Variants in NEBL observed in about 807,000 individuals in gnomAD.
NEBL encodes LIM and SH3 protein 2.
A neutral mutation model predicts 140.2 loss-of-function variants in NEBL; 122 were observed. The ratio of observed to expected loss-of-function variants is 0.87; its 90% confidence interval spans 0.75 to 1.01. The LOEUF (loss-of-function observed/expected upper bound fraction) is 1.01, where lower values mean the gene tolerates loss of function less well. Ranked by LOEUF, NEBL falls within the 50% of genes least tolerant of loss-of-function variation. The pLI, the probability that NEBL is intolerant of heterozygous loss-of-function variation, is 0.00. For synonymous variants in NEBL, 436 were observed against 398.9 expected (o/e 1.09, Z -1.11); for missense variants, 1,365 against 1,231.3 (o/e 1.11, Z -1.62).
At chr10:21,025,674 C>T (rs957294243) in intron 2 of NEBL, among the ~76,000 whole-genome samples, 3 of 152,118 alleles carry the variant, frequency 2.0e-5, no homozygotes, top group African/African-American at 7.2e-5. Flanking sequence ...ATCCAGATTC[C>T]GGTGCTTATA....
At chr10:21,275,056 G>A (rs1355382334) in intron 1 of NEBL, among the ~76,000 whole-genome samples, 1 of 152,004 alleles carries the variant, frequency 6.6e-6, no homozygotes. Context: ...AGGGCTAACT[G>A]TAAATTCTGC....
In NEBL at chr10:21,097,807, C is replaced by T. The variant is rs185691040; in HGVS notation, c.164+74576G>A. ...CATTCCCCTGAAACACGACAGGAACCGCCCAATAAATGAAGACATTGGACT... is the reference window on the plus strand; with the variant it reads ...CATTCCCCTGAAACACGACAGGAACTGCCCAATAAATGAAGACATTGGACT... On this transcript the variant is annotated intron_variant, in intron 2 of 6. Coordinates refer to the NEBL transcript ENST00000417816. Among the ~76,000 whole-genome samples the T allele has an allele frequency of 1.2e-4, 19 of 152,200 alleles. 1 individual carries two copies. The highest frequency in any genetic ancestry group is 7.8e-4 in the Admixed American group (12 of 15,300).
chr10:21,176,865 A>C (rs544066089), upstream of NEBL, among the ~76,000 whole-genome samples: 1 of 152,320 alleles, frequency 6.6e-6, no homozygotes, highest in South Asian at 2.1e-4. Flanking sequence ...AAATCTCCTT[A>C]CTTTTTCCTC....
chr10:21,266,911 G>A (rs1842802694), intron 1 of NEBL, among the ~76,000 whole-genome samples: 1 of 152,054 alleles, frequency 6.6e-6, no homozygotes, highest in African/African-American at 2.4e-5. Context: ...AGAGTAGCTG[G>A]GATTACAGGT....
intron 4 of NEBL, among the ~76,000 whole-genome samples, chr10:20,909,386 G>A (rs1848235399): frequency 6.6e-6 from 1 of 151,602 alleles, no homozygotes; most frequent in East Asian, 1.9e-4. Flanking sequence ...ATAAATAAGT[G>A]AGAACATGCA....
At chr10:21,011,196 T>G (rs987940106) in intron 3 of NEBL, among the ~76,000 whole-genome samples, 1 of 152,204 alleles carries the variant, frequency 6.6e-6, no homozygotes, top group African/African-American at 2.4e-5. Flanking sequence ...AAAGTCACAC[T>G]TAGTGGCAGG....
At position 20,783,074 on chromosome 10, in the gene NEBL, A is replaced by T. The variant is rs1835133028; in HGVS notation, c.*2673T>A. On this transcript the variant is annotated 3_prime_UTR_variant, in exon 28 of 28. Transcript: ENST00000377122. ...CACAGTCATCTTTAACTCAATTTTT[A>T]AAATCTTCTTTAGCTGTCAGCTTCA... 1 of 152,600 alleles carries T rather than the reference A, an allele frequency of 6.6e-6. No individual in the cohort carries two copies. Among genetic ancestry groups the T allele is most frequent in the African/African-American group, 2.4e-5 (1 of 41,446 alleles). The allele number at this position is 152,600 out of a possible 1,614,324, so 9.5% of individuals were successfully genotyped here. A position where few individuals can be genotyped will look rare whatever the true frequency, so the allele number is the denominator to read the frequency against.
At chr10:20,979,984 C>T (rs1311153314) in intron 3 of NEBL, among the ~76,000 whole-genome samples, 1 of 151,502 alleles carries the variant, frequency 6.6e-6, no homozygotes, top group Admixed American at 6.6e-5. Flanking sequence ...TTAACCACCA[C>T]AACTGGACAC....
intron 3 of NEBL, among the ~76,000 whole-genome samples, chr10:21,214,059 A>T (rs1354734827): frequency 2.0e-5 from 3 of 152,122 alleles, no homozygotes; most frequent in Non-Finnish European, 4.4e-5. Context: ...ACAGACAGAT[A>T]ATTAAATCTT....
At chr10:21,053,571 C>G (rs1410583470) in intron 2 of NEBL, among the ~76,000 whole-genome samples, 1 of 152,100 alleles carries the variant, frequency 6.6e-6, no homozygotes, top group Non-Finnish European at 1.5e-5. Context: ...AAAAATAAGC[C>G]TACCCATTGG....
intron 2 of NEBL, among the ~76,000 whole-genome samples, chr10:21,140,448 C>T (rs1839578845): frequency 6.6e-6 from 1 of 152,086 alleles, no homozygotes; most frequent in South Asian, 2.1e-4. Context: ...GAAGATTAGA[C>T]ATATTTATTT....
At chr10:21,029,217 T>C in intron 2 of NEBL, 1 of 1,462,448 alleles carries the variant, frequency 6.8e-7, no homozygotes, top group Non-Finnish European at 9.6e-7. Flanking sequence ...ATTCCATCCT[T>C]CCCACTGCTC....
At chr10:21,238,716 TAAAAAAAAAAAAA>T (rs35732687) in intron 3 of NEBL, among the ~76,000 whole-genome samples, 1 of 94,502 alleles carries the variant, frequency 1.1e-5, no homozygotes, top group Non-Finnish European at 2.1e-5. Flanking sequence ...TCAAAAAAAT[TAAAAAAAAAAAAA>T]AAAAAAAAAA....
chr10:21,160,562 T>C (rs1002598669), intron 2 of NEBL, among the ~76,000 whole-genome samples: 1 of 150,286 alleles, frequency 6.7e-6, no homozygotes, highest in Non-Finnish European at 1.5e-5. Context: ...TTCCCCTTAA[T>C]GTTAAGAGAA....
At chr10:21,227,696 TTCTTCTTCTTCTTCTTTC>T (rs1210217968) in intron 3 of NEBL, among the ~76,000 whole-genome samples, 64 of 88,532 alleles carry the variant, frequency 7.2e-4, no homozygotes, top group African/African-American at 2.0e-3. Context: ...CTTCTTCTTC[TTCTTCTTCTTCTTCTTTC>T]TTCTTCTTCT....
At chr10:20,808,745 G>C in intron 25 of NEBL, 86 bp from the exon 26 acceptor site, 1 of 1,397,320 alleles carries the variant, frequency 7.2e-7, no homozygotes, top group Non-Finnish European at 1.0e-6. Context: ...GCTTAACAGA[G>C]AAGAAAAACC....
At chr10:20,992,563 T>C (rs1241106960) in intron 3 of NEBL, among the ~76,000 whole-genome samples, 2 of 152,082 alleles carry the variant, frequency 1.3e-5, no homozygotes, top group East Asian at 3.9e-4. Flanking sequence ...TGTGACCTCT[T>C]ATCAGCAGAT....
chr10:21,037,077 C>A (rs1302865309), intron 2 of NEBL, among the ~76,000 whole-genome samples: 1 of 152,134 alleles, frequency 6.6e-6, no homozygotes, highest in Non-Finnish European at 1.5e-5. Context: ...AGTCAGCATT[C>A]CCAGTCAAGT....
In NEBL at chr10:20,845,197, T is replaced by A. The variant is rs1453450736; in HGVS notation, c.1227+61A>T. On this transcript the variant is annotated intron_variant, in intron 12 of 27. Transcript: ENST00000377122. ...GAATTAGTAGAGAATTAGGTAAACATTTCCTGGGTTTTTTCTTTACTTTTC... is the reference window on the plus strand; with the variant it reads ...GAATTAGTAGAGAATTAGGTAAACAATTCCTGGGTTTTTTCTTTACTTTTC... 85 of 1,081,468 alleles carry A rather than the reference T, an allele frequency of 7.9e-5. No homozygotes were observed. The South Asian group carries it at 1.1e-3, about 14-fold the overall frequency. 67.0% of individuals were successfully genotyped at this position (1,081,468 alleles called of 1,614,324 possible).
Sources: allele counts gnomAD v4.1 joint callset (sites outside exome capture counted in the v4.1 genomes callset), GRCh38; gene constraint gnomAD v4.1.1; transcripts MANE v1.5; gene names NCBI Gene and HGNC (gene_info 2026-07-23, HGNC 2026-07-21).